The following MARK4 variants were observed in gnomAD, a reference collection of about 807,000 sequenced individuals.
MARK4 encodes MAP/microtubule affinity-regulating kinase 4.
Under a neutral mutation model 81.5 loss-of-function variants are expected in MARK4, and 19 were observed. The ratio of observed to expected loss-of-function variants is 0.23; its 90% CI spans 0.16 to 0.34. The LOEUF is 0.34. Ranked by LOEUF, MARK4 falls within the 10% of genes least tolerant of loss-of-function variation. The pLI, the probability that MARK4 is intolerant of heterozygous loss-of-function variation, is 1.00. For synonymous variants in MARK4, 436 were observed against 439.0 expected (o/e 0.99, Z 0.08); for missense variants, 772 against 1,058.8 (o/e 0.73, Z 3.76).
chr19:45,298,210 G>A (rs752986693), intron 15 of MARK4: 1 of 1,614,042 alleles, frequency 6.2e-7, no homozygotes. Context: ...TCTGCCCCAG[G>A]GATCCAAGAT....
chr19:45,293,938 G>T (rs1258145472), intron 13 of MARK4, among the ~76,000 whole-genome samples: 2 of 152,174 alleles, frequency 1.3e-5, no homozygotes, highest in Non-Finnish European at 2.9e-5. Flanking sequence ...TAGGAGTAAT[G>T]TTCTAACAGG....
Position 45,298,852 on chromosome 19 carries a change from G to A in MARK4, c.1877+898G>A, listed in dbSNP as rs564914617. On this transcript the variant is annotated intron_variant, in intron 15 of 16. Coordinates refer to ENST00000262891, the MANE Select transcript of MARK4 (RefSeq NM_001199867.2). ...GCACTTTGGGAGGCTGAGGCGAGGG[G>A]ATCACTTGAGCCCAGAAGTTCAAGA... Among the ~76,000 whole-genome samples the A allele has an allele frequency of 2.6e-5, 4 of 152,134 alleles. No homozygotes were observed. The East Asian group carries it at 7.7e-4, about 29-fold the overall frequency.
At chr19:45,287,384 C>A (rs926845645) in intron 12 of MARK4, 63 bp from the exon 13 acceptor site, 1 of 1,150,818 alleles carries the variant, frequency 8.7e-7, no homozygotes, top group Non-Finnish European at 1.2e-6. Flanking sequence ...TTCCAACGAT[C>A]CCCCAGAGTC....
intron 8 of MARK4, 101 bp from the exon 9 acceptor site, chr19:45,277,822 G>C (rs1380431316): frequency 8.8e-7 from 1 of 1,140,888 alleles, no homozygotes; most frequent in South Asian, 1.7e-5. Flanking sequence ...TGGGACAAAG[G>C]TTGTGTGTGT....
intron 16 of MARK4, among the ~76,000 whole-genome samples, chr19:45,300,905 G>A (rs1022989543): frequency 2.6e-5 from 4 of 152,080 alleles, no homozygotes; most frequent in Non-Finnish European, 5.9e-5. Flanking sequence ...TGGCAGAGCT[G>A]AGTCGTGCTC....
At chr19:45,267,323 T>G (rs1165035480) in intron 7 of MARK4, among the ~76,000 whole-genome samples, 1 of 151,896 alleles carries the variant, frequency 6.6e-6, no homozygotes, top group Non-Finnish European at 1.5e-5. Context: ...TCTCCTAGAG[T>G]GCTGGGATTA....
At chr19:45,283,982 T>G (rs756868168) in intron 12 of MARK4, among the ~76,000 whole-genome samples, 48 of 152,230 alleles carry the variant, frequency 3.2e-4, no homozygotes, top group Non-Finnish European at 5.4e-4. Flanking sequence ...ATATCTCACC[T>G]TATCTTTTTC....
chr19:45,292,276 A>G (rs998116804), intron 13 of MARK4, among the ~76,000 whole-genome samples: 1 of 151,864 alleles, frequency 6.6e-6, no homozygotes, highest in African/African-American at 2.4e-5. Context: ...TATCTCTTAA[A>G]AAAGAGAAAA....
At chr19:45,261,624 TTAAAAA>T (rs1434124168) in intron 2 of MARK4, among the ~76,000 whole-genome samples, 1 of 152,158 alleles carries the variant, frequency 6.6e-6, no homozygotes, top group East Asian at 1.9e-4. Flanking sequence ...CATCTCTGTT[TTAAAAA>T]TAAAATAAAA....
chr19:45,301,797 G>A (rs1459252802), intron 16 of MARK4, among the ~76,000 whole-genome samples: 2 of 150,932 alleles, frequency 1.3e-5, no homozygotes, highest in African/African-American at 4.9e-5. Context: ...CCCAGGAGGC[G>A]GAGGTTGTGG....
rs556434082 is a variant in MARK4 at position 45,251,721 on chromosome 19, G to C, written c.51+82G>C. 6.1e-6 allele frequency: 8 copies of C among 1,319,540 alleles called. No homozygotes were observed. The East Asian group carries it at 2.4e-4, about 40-fold the overall frequency. The allele number at this position is 1,319,540 out of a possible 1,614,324, so 81.7% of individuals were successfully genotyped here. A position where few individuals can be genotyped will look rare whatever the true frequency, so the allele number is the denominator to read the frequency against. ...CTCCCCGTTGTACCCCTCGCCCCGC[G>C]AGCCCCTACCCTCGTTTCCTGGGCC... On this transcript the variant is annotated intron_variant, in intron 1 of 16. Transcript: ENST00000262891.
intron 12 of MARK4, among the ~76,000 whole-genome samples, chr19:45,283,585 G>A (rs1319650735): frequency 6.6e-6 from 1 of 152,080 alleles, no homozygotes; most frequent in Non-Finnish European, 1.5e-5. Flanking sequence ...AGTTTTCAAG[G>A]TTCATCCATG....
At chr19:45,288,868 G>A (rs1202661634) in intron 13 of MARK4, among the ~76,000 whole-genome samples, 2 of 89,504 alleles carry the variant, frequency 2.2e-5, no homozygotes, top group African/African-American at 4.7e-5. Flanking sequence ...AAAAAAAAAA[G>A]TCGTGGGAAG....
intron 6 of MARK4, among the ~76,000 whole-genome samples, chr19:45,265,270 GAT>G (rs1031414221): frequency 2.0e-5 from 3 of 152,076 alleles, no homozygotes; most frequent in Non-Finnish European, 2.9e-5. Flanking sequence ...TGATTCAAAA[GAT>G]GTGTGGGCAG....
intron 12 of MARK4, 122 bp from the exon 13 acceptor site, chr19:45,287,325 G>T: frequency 3.4e-6 from 2 of 582,464 alleles, no homozygotes; most frequent in Non-Finnish European, 5.6e-6. Flanking sequence ...GACAGATATT[G>T]TCAGAATGGC....
intron 8 of MARK4, among the ~76,000 whole-genome samples, chr19:45,273,985 C>T (rs753304230): frequency 2.0e-5 from 3 of 151,838 alleles, no homozygotes; most frequent in African/African-American, 4.8e-5. Context: ...CGTGGTGGCT[C>T]ACGCCTGTAA....
intron 16 of MARK4, among the ~76,000 whole-genome samples, chr19:45,301,801 G>A (rs990076029): frequency 3.0e-4 from 45 of 150,452 alleles, no homozygotes; most frequent in Non-Finnish European, 8.9e-5. Context: ...GGAGGCGGAG[G>A]TTGTGGTGAG....
At position 45,297,770 on chromosome 19, in the gene MARK4, A is replaced by G. The variant is rs770967713; in HGVS notation, c.1693A>G (p.Ile565Val). ...ERSRLARGST[I>V]RSTFHGGQVR... Reference sequence around the variant, plus strand: ...GAGCCGCCTGGCACGTGGTTCCACCATCCGCAGCACCTTCCATGGTGGCCA... The same window carrying G: ...GAGCCGCCTGGCACGTGGTTCCACCGTCCGCAGCACCTTCCATGGTGGCCA... Residue 565 changes from isoleucine to valine, a missense_variant, in exon 15 of 17, where the codon ATC (isoleucine) becomes GTC (valine). By Grantham distance (29) the Ile-to-Val change is conservative. This residue lies in a region of MARK4 where 548 missense variants were observed against 624.3 expected (regional missense o/e 0.88). Coordinates refer to ENST00000262891, the MANE Select transcript of MARK4 (RefSeq NM_001199867.2). The G allele has an allele frequency of 1.9e-6, 3 of 1,580,832 alleles. No homozygotes were observed. The South Asian group carries it at 3.5e-5, about 18-fold the overall frequency.
At chr19:45,287,790 C>T (rs898241338) in intron 13 of MARK4, 126 bp downstream of exon 13, 1 of 1,102,170 alleles carries the variant, frequency 9.1e-7, no homozygotes. Context: ...CCCATTCATT[C>T]ATTCAACAAA....
Sources: allele counts gnomAD v4.1 joint callset (sites outside exome capture counted in the v4.1 genomes callset), GRCh38; gene constraint gnomAD v4.1.1; regional missense constraint gnomAD v4.1.1; transcripts MANE v1.5; gene names NCBI Gene and HGNC (gene_info 2026-07-23, HGNC 2026-07-21).